Variants in DDI2 observed in about 807,000 individuals in gnomAD.
DDI2 encodes the protein DDI proteasomal shuttling factor 2.
Under a neutral mutation model 48.1 loss-of-function variants are expected in DDI2, and 5 were observed. The observed-to-expected ratio is 0.10, with a 90% confidence interval of 0.05 to 0.22. The LOEUF is 0.22. Among genes scored for constraint, DDI2 ranks in the 10% least tolerant of loss-of-function variants. The probability of loss-of-function intolerance (pLI) is 1.00; values close to 1 mark genes in which losing one functional copy is unlikely to be tolerated. For missense variants in DDI2, 285 were observed against 506.2 expected (o/e 0.56, Z 4.19); for synonymous variants, 205 against 183.6 (o/e 1.12, Z -0.94).
At chr1:15,635,255 T>C (rs1415385314) in intron 4 of DDI2, among the ~76,000 whole-genome samples, 2 of 151,322 alleles carry the variant, frequency 1.3e-5, no homozygotes. Context: ...AGAAATATAA[T>C]TGTACACTAG....
intron 1 of DDI2, among the ~76,000 whole-genome samples, chr1:15,621,920 A>C (rs116494863): frequency 8.8e-4 from 134 of 152,258 alleles, no homozygotes; most frequent in African/African-American, 3.1e-3. Flanking sequence ...GTTTTTAGTA[A>C]ATTTAGATTA....
rs762598808 is a variant in DDI2 at position 15,661,108 on chromosome 1, G to A, written c.*1318G>A. On this transcript the variant is annotated 3_prime_UTR_variant, in exon 10 of 10. Coordinates refer to ENST00000480945, the MANE Select transcript of DDI2 (RefSeq NM_032341.5). The stretch of plus-strand genomic sequence containing the variant: ...TACCCAGAATGAACAGTGTCCACAA[G>A]TCTCCTTTCATCAGGCCATATCTGT... The A allele has an allele frequency of 6.2e-7, 1 of 1,613,820 alleles. No homozygotes were observed. The highest frequency in any genetic ancestry group is 8.5e-7 in the Non-Finnish European group (1 of 1,179,910).
At position 15,666,412 on chromosome 1, in the gene DDI2, T is replaced by C. The variant is rs1230838590; in HGVS notation, c.*6622T>C. The C allele has an allele frequency of 1.3e-5, 2 of 152,346 alleles. No homozygotes were observed. The highest frequency in any genetic ancestry group is 3.4e-3 in the Middle Eastern group (1 of 294). 9.4% of individuals were successfully genotyped at this position (152,346 alleles called of 1,614,324 possible). On this transcript the variant is annotated 3_prime_UTR_variant, in exon 10 of 10. Coordinates refer to ENST00000480945, the MANE Select transcript of DDI2 (RefSeq NM_032341.5). ...CCTTGACTGAGTTGATTCACAGTTA[T>C]CCTGCATCAGACCATTAGATTTCTT...
rs140144285 is a variant in DDI2 at position 15,660,128 on chromosome 1, C to T, written c.*338C>T. Reference sequence around the variant, plus strand: ...GATCATGCTTCCTCAGCAGACCATGCTCCAACAGACCAGAGTCCAGCTATG... The same window carrying T: ...GATCATGCTTCCTCAGCAGACCATGTTCCAACAGACCAGAGTCCAGCTATG... On this transcript the variant is annotated 3_prime_UTR_variant, in exon 10 of 10. Transcript: ENST00000480945. 309 of 1,614,210 alleles carry T rather than the reference C, an allele frequency of 1.9e-4. 1 individual carries two copies. In the East Asian group the frequency reaches 5.3e-3, roughly 28 times the overall value.
chr1:15,623,021 A>G (rs1330206029), intron 1 of DDI2, among the ~76,000 whole-genome samples: 3 of 152,108 alleles, frequency 2.0e-5, no homozygotes, highest in African/African-American at 7.2e-5. Context: ...GGTTATCTAG[A>G]TTTTACATTT....
chr1:15,651,959 T>C, intron 8 of DDI2, 64 bp downstream of exon 8: 3 of 1,521,126 alleles, frequency 2.0e-6, no homozygotes, highest in South Asian at 1.3e-5. Flanking sequence ...AAGTGTGGGC[T>C]TCAGAAGGGG....
Position 15,652,058 on chromosome 1 carries a change from C to CTTTTTTTTTTTTT in DDI2, c.1183+175_1183+187dup, listed in dbSNP as rs772990709. On this transcript the variant is annotated intron_variant, in intron 8 of 9. Coordinates refer to ENST00000480945, the MANE Select transcript of DDI2 (RefSeq NM_032341.5). ...TTCTTAACCTCCTTCTTTGATCTTCCTTTTTTTTTTTTTTTTTTTTTTTTG... is the reference window on the plus strand; with the variant it reads ...TTCTTAACCTCCTTCTTTGATCTTCCTTTTTTTTTTTTTTTTTTTTTTTTTTTTTTTTTTTTTG... Among the ~76,000 whole-genome samples the CTTTTTTTTTTTTT allele has an allele frequency of 2.0e-4, 15 of 75,974 alleles. 1 individual carries two copies. The highest frequency in any genetic ancestry group is 8.5e-4 in the African/African-American group (13 of 15,218). The allele number at this position is 75,974 out of a possible 152,430, so 49.8% of individuals were successfully genotyped here. A position where few individuals can be genotyped will look rare whatever the true frequency, so the allele number is the denominator to read the frequency against.
At chr1:15,643,746 TTTG>T (rs371371856) in intron 6 of DDI2, 96 bp downstream of exon 6, 53 of 1,497,084 alleles carry the variant, frequency 3.5e-5, no homozygotes, top group African/African-American at 1.1e-4. Context: ...TTGTTGTTAT[TTTG>T]TTGTTGTTGT....
intron 4 of DDI2, among the ~76,000 whole-genome samples, chr1:15,636,599 A>G (rs1639933362): frequency 1.3e-5 from 2 of 152,138 alleles, no homozygotes; most frequent in African/African-American, 4.8e-5. Flanking sequence ...AGTCTCCTGA[A>G]TAGCTGAGAC....
At position 15,630,542 on chromosome 1, in the gene DDI2, T is replaced by C. The variant is rs1255874940; in HGVS notation, c.486T>C (p.Ala162=). The change falls in exon 3 of 10, where the codon GCT becomes GCC. Residue 162 remains alanine, a synonymous_variant. Transcript: ENST00000480945. ...AACGCAATCCACCCCTGGCAGAAGC[T>C]CTGCTCAGTGGAGACCTTGGTAAGC... ...LKERNPPLAE[A]LLSGDLEKFS... 1 of 1,613,640 alleles carries C rather than the reference T, an allele frequency of 6.2e-7. No individual in the cohort carries two copies. The highest frequency in any genetic ancestry group is 1.1e-5 in the South Asian group (1 of 91,066).
At chr1:15,643,693 T>A in intron 6 of DDI2, 43 bp downstream of exon 6, 6 of 1,607,392 alleles carry the variant, frequency 3.7e-6, no homozygotes, top group Non-Finnish European at 5.1e-6. Context: ...CTGTAGGCTA[T>A]TTGTAGGTAG....
chr1:15,656,761 T>C (rs1398311970), intron 9 of DDI2, 82 bp downstream of exon 9: 1 of 1,586,602 alleles, frequency 6.3e-7, no homozygotes, highest in Non-Finnish European at 8.6e-7. Context: ...GTTTGGGAAG[T>C]TAGCATTTGT....
chr1:15,641,236 C>T (rs573981836), intron 5 of DDI2, among the ~76,000 whole-genome samples: 3 of 152,094 alleles, frequency 2.0e-5, no homozygotes, highest in African/African-American at 4.8e-5. Context: ...CGTTGGGAGG[C>T]TGAGGCGGGT....
chr1:15,629,324 A>G (rs905334920), intron 2 of DDI2, among the ~76,000 whole-genome samples: 1 of 152,182 alleles, frequency 6.6e-6, no homozygotes, highest in Non-Finnish European at 1.5e-5. Flanking sequence ...GGCCGGGCAC[A>G]GTGGCTCACA....
chr1:15,656,475 C>T, intron 8 of DDI2, 142 bp from the exon 9 acceptor site: 1 of 1,550,488 alleles, frequency 6.4e-7, no homozygotes, highest in Non-Finnish European at 8.7e-7. Flanking sequence ...TTTGGATGTC[C>T]AAACTACAGA....
Position 15,656,642 on chromosome 1 carries a change from G to A in DDI2, c.*9G>A. 1 of 1,614,012 alleles carries A rather than the reference G, an allele frequency of 6.2e-7. No individual in the cohort carries two copies. The highest frequency in any genetic ancestry group is 1.3e-5 in the African/African-American group (1 of 75,044). On this transcript the variant is annotated 3_prime_UTR_variant, in exon 9 of 10. Transcript: ENST00000480945. ...AGCGTCAGAAGCCATGATGCATGTA[G>A]TGTGTGTGTACTGCAGCTGGAGTGG...
At position 15,659,824 on chromosome 1, in the gene DDI2, G is replaced by A; in HGVS notation, c.*47-13G>A. 6.6e-7 allele frequency: 1 copy of A among 1,505,354 alleles called. No homozygotes were observed. The highest frequency in any genetic ancestry group is 1.4e-5 in the African/African-American group (1 of 71,708). 93.2% of individuals were successfully genotyped at this position (1,505,354 alleles called of 1,614,324 possible). ...CTAATTAATCTTTTTCCTTTCCCCT[G>A]TGTTCCATATAGAGAAAAGTGGTAA... On this transcript the variant is annotated splice_polypyrimidine_tract_variant and intron_variant, in intron 9 of 9. Transcript: ENST00000480945.
In DDI2 at chr1:15,668,545, GA is replaced by G. The variant is rs1640486360; in HGVS notation, c.*8758del. On this transcript the variant is annotated 3_prime_UTR_variant, in exon 10 of 10. Coordinates refer to ENST00000480945, the MANE Select transcript of DDI2 (RefSeq NM_032341.5). ...TTGGGCTAATGGACTTTGCACTCAA[GA>G]AAGGTTTGTTTACCAGTTTTGTAGC... 1 of 152,168 alleles carries G rather than the reference GA, an allele frequency of 6.6e-6. No homozygotes were observed. Among genetic ancestry groups the G allele is most frequent in the African/African-American group, 2.4e-5 (1 of 41,428 alleles). The allele number at this position is 152,168 out of a possible 1,614,324, so 9.4% of individuals were successfully genotyped here.
chr1:15,652,032 C>T (rs369255528), intron 8 of DDI2, 137 bp downstream of exon 8: 6 of 417,700 alleles, frequency 1.4e-5, no homozygotes, highest in East Asian at 1.1e-4. Flanking sequence ...CATTATTTGT[C>T]TTCTTAACCT....
Sources: allele counts gnomAD v4.1 joint callset (sites outside exome capture counted in the v4.1 genomes callset), GRCh38; gene constraint gnomAD v4.1.1; transcripts MANE v1.5; gene names NCBI Gene and HGNC (gene_info 2026-07-23, HGNC 2026-07-21).